Variants in NFIL3 observed in about 807,000 individuals in gnomAD.
The protein encoded by NFIL3 is nuclear factor interleukin-3-regulated protein.
Under a neutral mutation model 10.0 loss-of-function variants are expected in NFIL3, and 5 were observed. The observed-to-expected ratio is 0.50, with a 90% CI of 0.26 to 1.06. The LOEUF is 1.06. Among genes scored for constraint, NFIL3 ranks in the 50% least tolerant of loss-of-function variants. The pLI, the probability that NFIL3 is intolerant of heterozygous loss-of-function variation, is 0.13. For missense variants in NFIL3, 436 were observed against 547.6 expected (o/e 0.80, Z 2.03); for synonymous variants, 202 against 206.5 (o/e 0.98, Z 0.19).
chr9:91,413,255 CTT>C (rs5899127), intron 1 of NFIL3, among the ~76,000 whole-genome samples: 5 of 146,474 alleles, frequency 3.4e-5, no homozygotes, highest in Admixed American at 1.4e-4. Flanking sequence ...ATATTATTTC[CTT>C]TTTTTTTTTT....
At chr9:91,471,413 G>C in the NFIL3 span, among the ~76,000 whole-genome samples, 6 of 148,194 alleles carry the variant, frequency 4.0e-5, no homozygotes, top group Non-Finnish European at 7.4e-5. Context: ...GTGTGTCTCT[G>C]CACATGAGAT....
chr9:91,454,224 ACTCTGTCTC>A, the NFIL3 span, among the ~76,000 whole-genome samples: 1 of 144,920 alleles, frequency 6.9e-6, no homozygotes. Context: ...ACAGAGTGAG[ACTCTGTCTC>A]AAAAAAAAAA....
the NFIL3 span, among the ~76,000 whole-genome samples, chr9:91,452,619 A>G: frequency 2.6e-5 from 4 of 152,000 alleles, no homozygotes; most frequent in African/African-American, 9.7e-5. Flanking sequence ...TACTAAAAAT[A>G]CAAAATAAAA....
At chr9:91,468,654 G>A in the NFIL3 span, among the ~76,000 whole-genome samples, 1 of 151,984 alleles carries the variant, frequency 6.6e-6, no homozygotes, top group Non-Finnish European at 1.5e-5. Context: ...TTTCTTCTAG[G>A]GTTTTTATGG....
At chr9:91,467,547 A>G in the NFIL3 span, among the ~76,000 whole-genome samples, 1 of 151,978 alleles carries the variant, frequency 6.6e-6, no homozygotes, top group Non-Finnish European at 1.5e-5. Flanking sequence ...TTTAATTATT[A>G]CTATTATACT....
chr9:91,448,456 T>A, the NFIL3 span, among the ~76,000 whole-genome samples: 6 of 152,162 alleles, frequency 3.9e-5, no homozygotes. Context: ...TAGCAGGAAC[T>A]AATCCAATCC....
At chr9:91,426,463 C>G (rs1312520787), upstream of NFIL3, 2 of 152,030 alleles carry the variant, frequency 1.3e-5, no homozygotes, top group African/African-American at 2.4e-5. Context: ...AACAAATTAA[C>G]CAGGGTGGGG....
At chr9:91,478,355 C>A in the NFIL3 span, among the ~76,000 whole-genome samples, 3 of 151,998 alleles carry the variant, frequency 2.0e-5, no homozygotes, top group Admixed American at 6.6e-5. Flanking sequence ...TTCCTTTTCA[C>A]TCTTTTTTCT....
the NFIL3 span, among the ~76,000 whole-genome samples, chr9:91,442,462 G>A: frequency 6.6e-5 from 10 of 152,126 alleles, no homozygotes; most frequent in Non-Finnish European, 8.8e-5. Flanking sequence ...TGCTGGGCTC[G>A]TTCTGCCCAC....
the NFIL3 span, among the ~76,000 whole-genome samples, chr9:91,429,557 C>G: frequency 6.6e-6 from 1 of 152,082 alleles, no homozygotes; most frequent in Admixed American, 6.5e-5. Flanking sequence ...AAGTTGTCTT[C>G]TGGAGTCGTT....
the NFIL3 span, among the ~76,000 whole-genome samples, chr9:91,468,436 AG>A: frequency 6.6e-6 from 1 of 152,294 alleles, no homozygotes; most frequent in Non-Finnish European, 1.5e-5. Flanking sequence ...TCTGGATGTT[AG>A]CCCTTTGTCC....
upstream of NFIL3, among the ~76,000 whole-genome samples, chr9:91,428,643 A>G (rs1833894275): frequency 6.6e-6 from 1 of 152,258 alleles, no homozygotes; most frequent in African/African-American, 2.4e-5. Flanking sequence ...TTAGATCTCT[A>G]CACCAACGAC....
At chr9:91,465,209 A>C in the NFIL3 span, among the ~76,000 whole-genome samples, 1 of 152,036 alleles carries the variant, frequency 6.6e-6, no homozygotes, top group South Asian at 2.1e-4. Context: ...TTCTCTTTTG[A>C]TATTTCAAAT....
chr9:91,466,595 ATACT>A, the NFIL3 span, among the ~76,000 whole-genome samples: 1 of 152,198 alleles, frequency 6.6e-6, no homozygotes, highest in Non-Finnish European at 1.5e-5. Flanking sequence ...TTATTTCATA[ATACT>A]TAAGTTGTAA....
intron 1 of NFIL3, among the ~76,000 whole-genome samples, chr9:91,415,001 T>G (rs1007963405): frequency 6.6e-6 from 1 of 152,274 alleles, no homozygotes; most frequent in Admixed American, 6.5e-5. Flanking sequence ...TTATGTGAAT[T>G]GTAAAGAAGA....
chr9:91,481,508 C>T, the NFIL3 span, among the ~76,000 whole-genome samples: 7 of 151,962 alleles, frequency 4.6e-5, no homozygotes, highest in African/African-American at 1.7e-4. Context: ...TGATTGTATA[C>T]AATACTATAA....
the NFIL3 span, among the ~76,000 whole-genome samples, chr9:91,480,600 A>T: frequency 1.3e-5 from 2 of 152,190 alleles, no homozygotes; most frequent in Non-Finnish European, 2.9e-5. Flanking sequence ...ACACTAAAAA[A>T]AAGGAGAATA....
chr9:91,472,047 C>G, the NFIL3 span, among the ~76,000 whole-genome samples: 13 of 152,248 alleles, frequency 8.5e-5, no homozygotes, highest in Non-Finnish European at 1.5e-5. Context: ...TCTCTTCTGA[C>G]TTGGAGGGTT....
the NFIL3 span, among the ~76,000 whole-genome samples, chr9:91,441,551 A>G: frequency 9.4e-4 from 143 of 152,066 alleles, no homozygotes; most frequent in African/African-American, 3.3e-3. Context: ...CCATTTTGTT[A>G]TTTGATTTCT....
Sources: allele counts gnomAD v4.1 joint callset (sites outside exome capture counted in the v4.1 genomes callset), GRCh38; gene constraint gnomAD v4.1.1; transcripts MANE v1.5; gene names NCBI Gene and HGNC (gene_info 2026-07-23, HGNC 2026-07-21).